NCF2: variants seen among roughly 807,000 people sequenced by gnomAD.
The protein encoded by NCF2 is neutrophil cytosolic factor 2.
Under a neutral mutation model 70.9 loss-of-function variants are expected in NCF2, and 45 were observed. The observed-to-expected ratio is 0.63, with a 90% CI of 0.50 to 0.81. The LOEUF is 0.81. Ranked by LOEUF, NCF2 falls within the 40% of genes least tolerant of loss-of-function variation. The pLI is 0.00. For synonymous variants in NCF2, 203 were observed against 233.6 expected (o/e 0.87, Z 1.19); for missense variants, 522 against 631.6 (o/e 0.83, Z 1.86).
chr1:183,596,417 T>C, the NCF2 span, among the ~76,000 whole-genome samples: 1 of 151,922 alleles, frequency 6.6e-6, no homozygotes, highest in Non-Finnish European at 1.5e-5. Flanking sequence ...AATGAATGAA[T>C]GCATAGAGAT....
rs573636389 is a variant in NCF2 at position 183,590,128 on chromosome 1, A to T, written c.174+28T>A. The T allele has an allele frequency of 7.4e-6, 12 of 1,613,882 alleles. No homozygotes were observed. The South Asian group carries it at 1.2e-4, about 16-fold the overall frequency. ...AATCATAATAACAAATGCACAGAGG[A>T]GGCCCGGAAAGAGGCACCTCCACTC... On this transcript the variant is annotated intron_variant, in intron 1 of 14. Coordinates refer to ENST00000367535, the MANE Select transcript of NCF2 (RefSeq NM_000433.4).
At chr1:183,569,351 G>A (rs1672446398) in intron 6 of NCF2, 166 bp from the exon 7 acceptor site, 2 of 695,384 alleles carry the variant, frequency 2.9e-6, no homozygotes, top group South Asian at 3.1e-5. Flanking sequence ...CAGTCACCCT[G>A]ACTAAACACT....
chr1:183,574,425 C>T, intron 4 of NCF2, 62 bp downstream of exon 4: 3 of 1,611,172 alleles, frequency 1.9e-6, no homozygotes, highest in Non-Finnish European at 2.5e-6. Flanking sequence ...AATGGCATGT[C>T]CTCTGAGACA....
At chr1:183,566,425 A>G (rs766259413) in intron 9 of NCF2, among the ~76,000 whole-genome samples, 2 of 152,184 alleles carry the variant, frequency 1.3e-5, no homozygotes, top group African/African-American at 2.4e-5. Context: ...TTTTATTTGT[A>G]TAGAGGTGGC....
the NCF2 span, among the ~76,000 whole-genome samples, chr1:183,599,999 A>G: frequency 6.6e-6 from 1 of 152,232 alleles, no homozygotes; most frequent in African/African-American, 2.4e-5. Flanking sequence ...TAACATATTA[A>G]TGTCACCTTG....
At chr1:183,582,198 C>T (rs943124157) in intron 2 of NCF2, among the ~76,000 whole-genome samples, 5 of 152,322 alleles carry the variant, frequency 3.3e-5, no homozygotes, top group Non-Finnish European at 7.3e-5. Flanking sequence ...GGCCGTGCTG[C>T]GGCAGCCCCC....
chr1:183,579,730 C>A (rs1484383483), intron 2 of NCF2, among the ~76,000 whole-genome samples: 1 of 103,066 alleles, frequency 9.7e-6, no homozygotes. Context: ...CAGAGTGAGA[C>A]TCTGTCTCAA....
At chr1:183,569,076 C>T (rs1572157383) in intron 7 of NCF2, 66 bp downstream of exon 7, 2 of 1,477,406 alleles carry the variant, frequency 1.4e-6, no homozygotes, top group East Asian at 2.3e-5. Flanking sequence ...TTCTTCCCTC[C>T]CTTTCTTGCC....
intron 1 of NCF2, among the ~76,000 whole-genome samples, chr1:183,589,115 C>T (rs774278115): frequency 5.3e-5 from 8 of 152,224 alleles, no homozygotes; most frequent in African/African-American, 1.9e-4. Flanking sequence ...TATGTGAGAA[C>T]ATTTCAGTCA....
At chr1:183,573,394 C>A in intron 4 of NCF2, 102 bp from the exon 5 acceptor site, 1 of 1,086,964 alleles carries the variant, frequency 9.2e-7, no homozygotes. Flanking sequence ...TTGAGATAAC[C>A]ACATAGAAGC....
At chr1:183,573,388 G>T in intron 4 of NCF2, 96 bp from the exon 5 acceptor site, 1 of 1,130,286 alleles carries the variant, frequency 8.8e-7, no homozygotes, top group South Asian at 1.2e-5. Flanking sequence ...AATTCATTGA[G>T]ATAACCACAT....
At chr1:183,580,617 C>G (rs1485384243) in intron 2 of NCF2, among the ~76,000 whole-genome samples, 2 of 152,112 alleles carry the variant, frequency 1.3e-5, no homozygotes, top group Non-Finnish European at 2.9e-5. Context: ...GAAGTGACAC[C>G]ACCTGGGTCT....
upstream of NCF2, chr1:183,590,659 C>G (rs1303080927): frequency 2.6e-6 from 1 of 385,750 alleles, no homozygotes; most frequent in Non-Finnish European, 5.0e-6. Flanking sequence ...CCCCAAAATG[C>G]TTCTGCTCTG....
the NCF2 span, among the ~76,000 whole-genome samples, chr1:183,599,430 CT>C: frequency 8.2e-5 from 7 of 85,558 alleles, no homozygotes; most frequent in African/African-American, 2.9e-4. Context: ...TTCCTTCTTT[CT>C]TTCTTTCTTT....
upstream of NCF2, chr1:183,591,004 A>G (rs904499223): frequency 1.9e-5 from 3 of 155,750 alleles, no homozygotes; most frequent in Non-Finnish European, 2.9e-5. Context: ...TTCCAGTACT[A>G]CCTATGTCCT....
upstream of NCF2, among the ~76,000 whole-genome samples, chr1:183,595,580 G>A (rs4113454): frequency 0.11 from 16,778 of 152,100 alleles, 2,128 homozygotes; most frequent in African/African-American, 0.31. Context: ...GAGACTTGAC[G>A]GCATCTGCTG....
At chr1:183,583,986 G>T (rs1673227569) in intron 2 of NCF2, among the ~76,000 whole-genome samples, 1 of 152,176 alleles carries the variant, frequency 6.6e-6, no homozygotes, top group Admixed American at 6.5e-5. Context: ...GAAAAATGAG[G>T]GTCTCAACCA....
At chr1:183,563,680 A>G in intron 11 of NCF2, 95 bp from the exon 12 acceptor site, 1 of 1,486,404 alleles carries the variant, frequency 6.7e-7, no homozygotes, top group Admixed American at 1.7e-5. Flanking sequence ...CACAGGGGGT[A>G]CCCAATACAG....
At chr1:183,588,583 A>G (rs1352239327) in intron 1 of NCF2, among the ~76,000 whole-genome samples, 1 of 152,012 alleles carries the variant, frequency 6.6e-6, no homozygotes, top group Admixed American at 6.5e-5. Flanking sequence ...CAGTTTAAAT[A>G]AATAATAAAA....
Sources: gnomAD v4.1 joint callset for allele counts (sites outside exome capture counted in the v4.1 genomes callset) on GRCh38, gnomAD v4.1.1 for gene constraint, MANE v1.5 for transcripts, NCBI Gene and HGNC (gene_info 2026-07-23, HGNC 2026-07-21) for gene names.